The following POLH variants were observed in gnomAD, a reference collection of about 807,000 sequenced individuals.
The protein encoded by POLH is DNA polymerase eta transcript.
A neutral mutation model predicts 73.6 loss-of-function variants in POLH; 53 were observed. The observed-to-expected ratio is 0.72, with a 90% CI of 0.58 to 0.91. The LOEUF (loss-of-function observed/expected upper bound fraction) is 0.91, where lower values mean the gene tolerates loss of function less well. Ranked by LOEUF, POLH falls within the 40% of genes least tolerant of loss-of-function variation. POLH has a pLI of 0.00. For missense variants in POLH, 768 were observed against 865.4 expected (o/e 0.89, Z 1.41); for synonymous variants, 292 against 308.5 (o/e 0.95, Z 0.56).
chr6:43,585,025 G>A (rs1414238936), intron 3 of POLH, among the ~76,000 whole-genome samples: 1 of 152,174 alleles, frequency 6.6e-6, no homozygotes, highest in East Asian at 1.9e-4. Context: ...TAGACATGGT[G>A]TTGTGCAGCT....
rs924859734 is a variant in POLH at position 43,582,528 on chromosome 6, G to C, written c.137+72G>C. 3 of 1,302,850 alleles carry C rather than the reference G, an allele frequency of 2.3e-6. No individual in the cohort carries two copies. The Admixed American group carries it at 5.2e-5, about 22-fold the overall frequency. 80.7% of individuals were successfully genotyped at this position (1,302,850 alleles called of 1,614,324 possible). On this transcript the variant is annotated intron_variant, in intron 2 of 10. Coordinates refer to ENST00000372236, the MANE Select transcript of POLH (RefSeq NM_006502.3). ...GCACTGTGGCAGGTCCTTTGTTGTTGTGGTGGTGGTGGTGGTGGTGACAGG... is the reference window on the plus strand; with the variant it reads ...GCACTGTGGCAGGTCCTTTGTTGTTCTGGTGGTGGTGGTGGTGGTGACAGG...
rs569838680 is a variant in POLH, at chr6:43,618,444, G to T, written c.*3887G>T. On this transcript the variant is annotated 3_prime_UTR_variant, in exon 11 of 11. Coordinates refer to ENST00000372236, the MANE Select transcript of POLH (RefSeq NM_006502.3). ...TGGGATTATAGGCATGAGCCACCAC[G>T]CCCAGCCTATAGTACTGTATTCTTA... 6.6e-6 allele frequency among the ~76,000 whole-genome samples: 1 copy of T among 152,072 alleles called. No homozygotes were observed. The highest frequency in any genetic ancestry group is 2.1e-4 in the South Asian group (1 of 4,810).
intron 3 of POLH, among the ~76,000 whole-genome samples, chr6:43,585,637 C>CTTTTTTTTTTTTTTTTTTTTTTTT (rs1208848737): frequency 6.5e-5 from 7 of 107,432 alleles, no homozygotes; most frequent in African/African-American, 3.8e-4. Flanking sequence ...TCTTTCTTTT[C>CTTTTTTTTTTTTTTTTTTTTTTTT]TTTTTTTTTT....
At chr6:43,603,115 C>CCTCA (rs945939952) in intron 6 of POLH, among the ~76,000 whole-genome samples, 1 of 151,272 alleles carries the variant, frequency 6.6e-6, no homozygotes, top group African/African-American at 2.4e-5. Flanking sequence ...AATCCTCCTG[C>CCTCA]CTCAGCCTCC....
At position 43,617,287 on chromosome 6, in the gene POLH, A is replaced by T. The variant is rs955094911; in HGVS notation, c.*2730A>T. On this transcript the variant is annotated 3_prime_UTR_variant, in exon 11 of 11. Transcript: ENST00000372236. ...CAGGGAACTTATTAGAAATAGTCTCAGCCTCACCACTATTCCCACTTAATT... is the reference window on the plus strand; with the variant it reads ...CAGGGAACTTATTAGAAATAGTCTCTGCCTCACCACTATTCCCACTTAATT... 5.9e-5 allele frequency among the ~76,000 whole-genome samples: 9 copies of T among 152,206 alleles called. No individual in the cohort carries two copies. The highest frequency in any genetic ancestry group is 1.9e-4 in the African/African-American group (8 of 41,450).
At chr6:43,591,579 A>T (rs1319177499) in intron 4 of POLH, among the ~76,000 whole-genome samples, 2 of 150,416 alleles carry the variant, frequency 1.3e-5, no homozygotes, top group African/African-American at 4.9e-5. Context: ...TTGGCCTCCC[A>T]AAGTGCTGGG....
chr6:43,603,834 G>C, intron 6 of POLH, 58 bp from the exon 7 acceptor site: 2 of 1,576,732 alleles, frequency 1.3e-6, no homozygotes, highest in South Asian at 1.1e-5. Flanking sequence ...TCTTACGTTT[G>C]CTGCTAATTA....
At chr6:43,586,333 TCAC>T (rs1420465103) in intron 3 of POLH, among the ~76,000 whole-genome samples, 1 of 151,848 alleles carries the variant, frequency 6.6e-6, no homozygotes, top group African/African-American at 2.4e-5. Flanking sequence ...ACAAAAAAAT[TCAC>T]CAGGCGTGGT....
At chr6:43,591,099 A>G (rs1428242389) in intron 4 of POLH, 1 of 152,196 alleles carries the variant, frequency 6.6e-6, no homozygotes, top group Non-Finnish European at 1.5e-5. Context: ...AATGCAAAGT[A>G]TGTCAAGCTA....
rs550580107 is a variant in POLH at position 43,596,407 on chromosome 6, C to G, written c.491-1289C>G. Among the ~76,000 whole-genome samples the G allele has an allele frequency of 7.1e-4, 108 of 151,578 alleles. 1 individual carries two copies. The highest frequency in any genetic ancestry group is 1.1e-3 in the Non-Finnish European group (72 of 67,940). ...CTGAGGCAGGAGAATGGTGTGAACC[C>G]GGCAGGCAGAGCTTGCAGTGAGGCG... On this transcript the variant is annotated intron_variant, in intron 4 of 10. Coordinates refer to ENST00000372236, the MANE Select transcript of POLH (RefSeq NM_006502.3).
At position 43,618,951 on chromosome 6, in the gene POLH, A is replaced by C. The variant is rs932609496; in HGVS notation, c.*4394A>C. Reference sequence around the variant, plus strand: ...AGCCCCAACTTCTACTTTTTATTTTATTTATAAATTGGGGGGGGGGTTCTA... The same window carrying C: ...AGCCCCAACTTCTACTTTTTATTTTCTTTATAAATTGGGGGGGGGGTTCTA... On this transcript the variant is annotated 3_prime_UTR_variant, in exon 11 of 11. Transcript: ENST00000372236. Among the ~76,000 whole-genome samples the C allele has an allele frequency of 7.6e-6, 1 of 132,196 alleles. No homozygotes were observed. The allele number at this position is 132,196 out of a possible 152,430, so 86.7% of individuals were successfully genotyped here.
intron 4 of POLH, among the ~76,000 whole-genome samples, chr6:43,587,824 C>G (rs1201978504): frequency 6.6e-6 from 1 of 152,148 alleles, no homozygotes; most frequent in African/African-American, 2.4e-5. Context: ...GTCAGGAGTT[C>G]AAGACCAACC....
chr6:43,618,646 TTA>T lies in POLH; in HGVS notation c.*4091_*4092del, dbSNP rs1245784369. On this transcript the variant is annotated 3_prime_UTR_variant, in exon 11 of 11. Coordinates refer to ENST00000372236, the MANE Select transcript of POLH (RefSeq NM_006502.3). ...TACATATACCCAAACTTCTATTTTTTTATGTGACGGAGTTTCTCTCATCGCCC... is the reference window on the plus strand; with the variant it reads ...TACATATACCCAAACTTCTATTTTTTTGTGACGGAGTTTCTCTCATCGCCC... Among the ~76,000 whole-genome samples, 2 of 152,130 alleles carry T rather than the reference TTA, an allele frequency of 1.3e-5. No homozygotes were observed. The highest frequency in any genetic ancestry group is 2.9e-5 in the Non-Finnish European group (2 of 68,022).
chr6:43,583,897 C>T (rs571472175), intron 3 of POLH, among the ~76,000 whole-genome samples: 6 of 152,240 alleles, frequency 3.9e-5, no homozygotes, highest in South Asian at 4.1e-4. Context: ...GAGGCTGAGG[C>T]GGGCAGATCA....
chr6:43,612,027 G>A (rs1028230948), intron 10 of POLH, among the ~76,000 whole-genome samples: 3 of 152,072 alleles, frequency 2.0e-5, no homozygotes, highest in Admixed American at 6.6e-5. Context: ...TTGCACTCCA[G>A]CCTGGGCAAC....
chr6:43,592,015 G>C (rs1218255301), intron 4 of POLH, among the ~76,000 whole-genome samples: 1 of 151,692 alleles, frequency 6.6e-6, no homozygotes, highest in Admixed American at 6.6e-5. Flanking sequence ...TATTAAAAAT[G>C]CCCATGTTTA....
chr6:43,582,220 T>C, intron 1 of POLH, 96 bp from the exon 2 acceptor site: 1 of 1,119,938 alleles, frequency 8.9e-7, no homozygotes, highest in Non-Finnish European at 1.4e-6. Context: ...GCTCCCATGC[T>C]CATGGTAACT....
chr6:43,589,954 T>C (rs1321757387), intron 4 of POLH, among the ~76,000 whole-genome samples: 1 of 152,158 alleles, frequency 6.6e-6, no homozygotes, highest in Non-Finnish European at 1.5e-5. Flanking sequence ...TTCATTTTTA[T>C]TTACTTTATC....
chr6:43,579,519 A>G (rs1163658028), intron 1 of POLH, among the ~76,000 whole-genome samples: 2 of 152,202 alleles, frequency 1.3e-5, no homozygotes, highest in Non-Finnish European at 2.9e-5. Flanking sequence ...ATGCCTTGCC[A>G]TGTGTATCTC....
Sources: gnomAD v4.1 joint callset for allele counts (sites outside exome capture counted in the v4.1 genomes callset) on GRCh38, gnomAD v4.1.1 for gene constraint, MANE v1.5 for transcripts, NCBI Gene and HGNC (gene_info 2026-07-23, HGNC 2026-07-21) for gene names.